The following NPTX2 variants were observed in gnomAD, a reference collection of about 807,000 sequenced individuals.
The protein encoded by NPTX2 is neuronal pentraxin 2, also known as neuronal pentraxin-2.
NPTX2 carries 23 observed loss-of-function variants against 38.1 expected under a neutral mutation model. The observed-to-expected ratio is 0.60, with a 90% confidence interval of 0.43 to 0.85. The LOEUF (loss-of-function observed/expected upper bound fraction) is 0.85. NPTX2 is among the 40% of genes least tolerant of loss of function. The pLI, the probability that NPTX2 is intolerant of heterozygous loss-of-function variation, is 0.00. For synonymous variants in NPTX2, 291 were observed against 287.3 expected (o/e 1.01, Z -0.13); for missense variants, 553 against 615.3 (o/e 0.90, Z 1.07).
chr7:98,628,305 G>C (rs1584144730), intron 4 of NPTX2, 97 bp from the exon 5 acceptor site: 1 of 645,264 alleles, frequency 1.5e-6, no homozygotes, highest in East Asian at 2.7e-5. Flanking sequence ...CAGAGCTGGG[G>C]GGCATCAGAG....
At position 98,624,995 on chromosome 7, in the gene NPTX2, G is replaced by C; in HGVS notation, c.717G>C (p.Lys239Asn). ...LPLRTNYLYG[K>N]IKKTLPELYA... ...TCCGCACAAACTACCTATACGGCAA[G>C]ATCAAGAAGACGCTGCCTGAGCTGT... The change falls in exon 3 of 5, where the codon AAG becomes AAC. Residue 239 changes from lysine to asparagine, a missense_variant. Lys to Asn is a moderately conservative substitution (Grantham distance 94). Coordinates refer to ENST00000265634, the MANE Select transcript of NPTX2 (RefSeq NM_002523.3). 8 of 1,613,980 alleles carry C rather than the reference G, an allele frequency of 5.0e-6. No homozygotes were observed. In the South Asian group the frequency reaches 6.6e-5, roughly 13 times the overall value.
At chr7:98,627,738 T>C (rs959704410) in intron 4 of NPTX2, among the ~76,000 whole-genome samples, 4 of 152,136 alleles carry the variant, frequency 2.6e-5, no homozygotes, top group African/African-American at 9.7e-5. Context: ...GGGAGGAGGC[T>C]GTGTGAGGGA....
rs6951066 is a variant in NPTX2 at position 98,627,030 on chromosome 7, C to T, written c.889-135C>T. 6.8e-6 allele frequency: 4 copies of T among 586,696 alleles called. No individual in the cohort carries two copies. The Admixed American group carries it at 9.1e-5, about 13-fold the overall frequency. 36.3% of individuals were successfully genotyped at this position (586,696 alleles called of 1,614,324 possible). A position where few individuals can be genotyped will look rare whatever the true frequency, so the allele number is the denominator to read the frequency against. On this transcript the variant is annotated intron_variant, in intron 3 of 4. Transcript: ENST00000265634. ...CACCAAGGCTGCCCCCTTGCATGTT[C>T]TCCACGCATGACCCCGGTGACAGGA... is the stretch of plus-strand genomic sequence containing the variant.
rs1791324181 is a variant in NPTX2, at chr7:98,624,962, C to G, written c.684C>G (p.Ser228=). 6.2e-7 allele frequency: 1 copy of G among 1,613,640 alleles called. No individual in the cohort carries two copies. Among genetic ancestry groups the G allele is most frequent in the Admixed American group, 1.7e-5 (1 of 60,004 alleles). Reference sequence around the variant, plus strand: ...AGTCACCAGATGCGTTCAAGGTGTCCCTCCCACTCCGCACAAACTACCTAT... The same window carrying G: ...AGTCACCAGATGCGTTCAAGGTGTCGCTCCCACTCCGCACAAACTACCTAT... The part of the protein sequence containing the change: ...AFKSPDAFKV[S]LPLRTNYLYG... Residue 228 remains serine (S), a synonymous_variant, in exon 3 of 5, where the codon TCC becomes TCG. Transcript: ENST00000265634.
intron 3 of NPTX2, 71 bp from the exon 4 acceptor site, chr7:98,627,094 C>A: frequency 9.2e-7 from 1 of 1,085,872 alleles, no homozygotes; most frequent in Non-Finnish European, 1.4e-6. Flanking sequence ...GGTGTCCTTC[C>A]TGCTTCCTGC....
rs759635636 is a variant in NPTX2, at chr7:98,624,961, C to T, written c.683C>T (p.Ser228Phe). 1.9e-6 allele frequency: 3 copies of T among 1,613,798 alleles called. No homozygotes were observed. Among genetic ancestry groups the T allele is most frequent in the Non-Finnish European group, 2.5e-6 (3 of 1,179,940 alleles). The change falls in exon 3 of 5, where the codon TCC (serine) becomes TTC (phenylalanine). Residue 228 changes from serine (S) to phenylalanine (F), a missense_variant. By Grantham distance (155) the Ser-to-Phe change is radical. Coordinates refer to ENST00000265634, the MANE Select transcript of NPTX2 (RefSeq NM_002523.3). ...AAGTCACCAGATGCGTTCAAGGTGT[C>T]CCTCCCACTCCGCACAAACTACCTA... is the stretch of plus-strand genomic sequence containing the variant. Reference protein sequence around the residue: ...AFKSPDAFKVSLPLRTNYLYG... With the variant: ...AFKSPDAFKVFLPLRTNYLYG...
chr7:98,625,234 C>T (rs1389126804), intron 3 of NPTX2, 68 bp downstream of exon 3: 2 of 1,524,796 alleles, frequency 1.3e-6, no homozygotes, highest in Admixed American at 1.8e-5. Context: ...ACAGCCCCCA[C>T]CCCAGCCGTC....
intron 3 of NPTX2, 103 bp downstream of exon 3, chr7:98,625,269 A>G (rs1040776148): frequency 3.5e-5 from 46 of 1,329,510 alleles, no homozygotes; most frequent in Non-Finnish European, 4.6e-5. Flanking sequence ...GCCACACAGC[A>G]GTGTCCCAGA....
rs146954158 is a variant in NPTX2 at position 98,627,428 on chromosome 7, G to A, written c.1068+84G>A. ...CCGTGCGCCCTTTCAGGGATGGTGC[G>A]AGGAGGGGCCAACTGAGCAGCACGA... is the stretch of plus-strand genomic sequence containing the variant. On this transcript the variant is annotated intron_variant, in intron 4 of 4. Transcript: ENST00000265634. 303 of 1,168,456 alleles carry A rather than the reference G, an allele frequency of 2.6e-4. 1 individual carries two copies. In the African/African-American group the frequency reaches 3.9e-3, roughly 15 times the overall value. The allele number at this position is 1,168,456 out of a possible 1,614,324, so 72.4% of individuals were successfully genotyped here. A position where few individuals can be genotyped will look rare whatever the true frequency, so the allele number is the denominator to read the frequency against.
intron 3 of NPTX2, among the ~76,000 whole-genome samples, chr7:98,625,661 C>T (rs1179523472): frequency 1.3e-5 from 2 of 152,120 alleles, no homozygotes; most frequent in East Asian, 3.9e-4. Flanking sequence ...AGTTGTGTAA[C>T]CACCACCACG....
intron 2 of NPTX2, 151 bp from the exon 3 acceptor site, chr7:98,624,771 T>C (rs1000955854): frequency 4.8e-6 from 4 of 836,802 alleles, no homozygotes; most frequent in East Asian, 5.0e-5. Flanking sequence ...CAGTGGCTGG[T>C]GTGGAGCGGT....
At chr7:98,618,478 A>G (rs1326269649) in intron 1 of NPTX2, among the ~76,000 whole-genome samples, 2 of 151,568 alleles carry the variant, frequency 1.3e-5, no homozygotes, top group Admixed American at 6.6e-5. Context: ...GTTAACTTCA[A>G]AGACTCCCGT....
intron 3 of NPTX2, 126 bp downstream of exon 3, chr7:98,625,292 G>C: frequency 1.5e-6 from 2 of 1,290,994 alleles, no homozygotes; most frequent in Non-Finnish European, 2.1e-6. Context: ...TGGGACTGCG[G>C]GGCTGTCCTC....
rs554948742 is a variant in NPTX2, at chr7:98,620,086, C to G, written c.643+227C>G. Reference sequence around the variant, plus strand: ...AAGTGAAAGTGTCCAGGACCAGCTTCGATAAGCAACCACACGGGCGTTTCA... The same window carrying G: ...AAGTGAAAGTGTCCAGGACCAGCTTGGATAAGCAACCACACGGGCGTTTCA... On this transcript the variant is annotated intron_variant, in intron 2 of 4. Transcript: ENST00000265634. The G allele has an allele frequency of 8.7e-6, 5 of 575,846 alleles. No individual in the cohort carries two copies. In the East Asian group the frequency reaches 1.5e-4, roughly 17 times the overall value. 35.7% of individuals were successfully genotyped at this position (575,846 alleles called of 1,614,324 possible). A position where few individuals can be genotyped will look rare whatever the true frequency, so the allele number is the denominator to read the frequency against.
At position 98,617,711 on chromosome 7, in the gene NPTX2, A is replaced by G; in HGVS notation, c.250A>G (p.Ile84Val). The G allele has an allele frequency of 1.4e-6, 2 of 1,434,846 alleles. No individual in the cohort carries two copies. Among genetic ancestry groups the G allele is most frequent in the African/African-American group, 3.0e-5 (2 of 66,812 alleles). 88.9% of individuals were successfully genotyped at this position (1,434,846 alleles called of 1,614,324 possible). A position where few individuals can be genotyped will look rare whatever the true frequency, so the allele number is the denominator to read the frequency against. Residue 84 changes from isoleucine to valine, a missense_variant, in exon 1 of 5, where the codon ATC (isoleucine) becomes GTC (valine). Ile to Val is a conservative substitution (Grantham distance 29). Transcript: ENST00000265634. ...GACGCTGGGCGCGCAGCGCGAGGCC[A>G]TCCGCGAGCTCACGGGCAAGCTAGC... ...KETLGAQREA[I>V]RELTGKLARC...
chr7:98,620,438 G>A (rs1384396429), intron 2 of NPTX2, among the ~76,000 whole-genome samples: 2 of 152,078 alleles, frequency 1.3e-5, no homozygotes, highest in Admixed American at 6.6e-5. Flanking sequence ...ATGGAGAAGG[G>A]GCTGGTGTTA....
In NPTX2 at chr7:98,628,911, A is replaced by G; in HGVS notation, c.*282A>G. The G allele has an allele frequency of 3.0e-6, 1 of 335,330 alleles. No homozygotes were observed. Among genetic ancestry groups the G allele is most frequent in the Non-Finnish European group, 5.4e-6 (1 of 183,976 alleles). 20.8% of individuals were successfully genotyped at this position (335,330 alleles called of 1,614,324 possible). A position where few individuals can be genotyped will look rare whatever the true frequency, so the allele number is the denominator to read the frequency against. The stretch of plus-strand genomic sequence containing the variant: ...ATATCTGCCTTCCTGCTGCAAGTGG[A>G]GGCAGGTCCAGCAGCCCCTCTTCAG... On this transcript the variant is annotated 3_prime_UTR_variant, in exon 5 of 5. Coordinates refer to ENST00000265634, the MANE Select transcript of NPTX2 (RefSeq NM_002523.3).
At chr7:98,627,513 AC>A (rs1791372655) in intron 4 of NPTX2, among the ~76,000 whole-genome samples, 169 bp downstream of exon 4, 3 of 152,192 alleles carry the variant, frequency 2.0e-5, no homozygotes, top group Admixed American at 2.0e-4. Flanking sequence ...AGACCTGGCC[AC>A]AGTGTCCTGA....
chr7:98,626,676 T>C (rs1584143785), intron 3 of NPTX2, among the ~76,000 whole-genome samples: 2 of 152,146 alleles, frequency 1.3e-5, no homozygotes, highest in Non-Finnish European at 2.9e-5. Context: ...GGCAGCGTCC[T>C]CCCCCCAGTT....
Sources: allele counts gnomAD v4.1 joint callset (sites outside exome capture counted in the v4.1 genomes callset), GRCh38; gene constraint gnomAD v4.1.1; transcripts MANE v1.5; gene names NCBI Gene and HGNC (gene_info 2026-07-23, HGNC 2026-07-21).